The following TMEM178B variants were observed in gnomAD, a reference collection of about 807,000 sequenced individuals.
The protein encoded by TMEM178B is transmembrane protein 178B.
A neutral mutation model predicts 31.0 loss-of-function variants in TMEM178B; 5 were observed. The observed-to-expected ratio is 0.16, with a 90% CI of 0.08 to 0.34. The LOEUF is 0.34. TMEM178B is among the 10% of genes least tolerant of loss of function. TMEM178B has a pLI of 1.00. For missense variants in TMEM178B, 275 were observed against 400.3 expected, an observed-to-expected ratio of 0.69 and a Z score of 2.67; for synonymous variants, 164 against 164.0, an observed-to-expected ratio of 1.00 and a Z score of 0.00.
chr7:141,107,552 A>G (rs1169971623), intron 1 of TMEM178B, among the ~76,000 whole-genome samples: 1 of 152,220 alleles, frequency 6.6e-6, no homozygotes, highest in Admixed American at 6.5e-5. Flanking sequence ...AGAGAAATAT[A>G]GGACTCAGGG....
At chr7:141,237,098 G>A (rs1461325904) in intron 2 of TMEM178B, among the ~76,000 whole-genome samples, 3 of 152,142 alleles carry the variant, frequency 2.0e-5, no homozygotes, top group African/African-American at 7.2e-5. Context: ...CTTTTGTTTT[G>A]TTTTGTTTTT....
intron 2 of TMEM178B, among the ~76,000 whole-genome samples, chr7:141,415,655 A>C (rs950386476): frequency 6.6e-6 from 1 of 152,236 alleles, no homozygotes; most frequent in Non-Finnish European, 1.5e-5. Flanking sequence ...ATCCAGGGAC[A>C]AAAAGGAATG....
At chr7:141,359,145 A>C (rs1362170236) in intron 2 of TMEM178B, among the ~76,000 whole-genome samples, 3 of 152,212 alleles carry the variant, frequency 2.0e-5, no homozygotes, top group Non-Finnish European at 4.4e-5. Flanking sequence ...AGAAACTTGC[A>C]CTAGCATCTA....
At chr7:141,374,538 T>C (rs1328819756) in intron 2 of TMEM178B, among the ~76,000 whole-genome samples, 2 of 152,066 alleles carry the variant, frequency 1.3e-5, no homozygotes, top group African/African-American at 2.4e-5. Flanking sequence ...GGCCTAGAGG[T>C]AGACTTGGAG....
chr7:141,416,108 G>T (rs1456354439), intron 2 of TMEM178B: 2 of 152,824 alleles, frequency 1.3e-5, no homozygotes, highest in Non-Finnish European at 2.9e-5. Flanking sequence ...AAAACTTTGA[G>T]TCTTGCTGTG....
intron 2 of TMEM178B, among the ~76,000 whole-genome samples, chr7:141,258,099 A>C (rs1797956800): frequency 6.6e-6 from 1 of 151,600 alleles, no homozygotes; most frequent in Non-Finnish European, 1.5e-5. Context: ...TTCTGGCAAA[A>C]TGTGGAAACT....
intron 2 of TMEM178B, among the ~76,000 whole-genome samples, chr7:141,218,752 A>C (rs530075705): frequency 6.6e-6 from 1 of 151,636 alleles, no homozygotes; most frequent in East Asian, 1.9e-4. Flanking sequence ...TGCTGTCTAG[A>C]CTCTCTCCAG....
chr7:141,446,346 C>T (rs11983572), intron 3 of TMEM178B, among the ~76,000 whole-genome samples: 6,900 of 152,278 alleles, frequency 0.045, 447 homozygotes, highest in African/African-American at 0.15. Context: ...TCAGAATTCC[C>T]CATCACTCGC....
the TMEM178B span, among the ~76,000 whole-genome samples, chr7:141,490,738 C>T: frequency 6.6e-6 from 1 of 152,210 alleles, no homozygotes; most frequent in African/African-American, 2.4e-5. Flanking sequence ...GGTCTCCTAA[C>T]CCCTAACACA....
At chr7:141,203,938 T>C (rs1044428390) in intron 1 of TMEM178B, among the ~76,000 whole-genome samples, 2 of 152,166 alleles carry the variant, frequency 1.3e-5, no homozygotes, top group Non-Finnish European at 2.9e-5. Flanking sequence ...CCTTTGCCTG[T>C]AGATGGGTGA....
At chr7:141,383,157 T>C (rs1346110624) in intron 2 of TMEM178B, among the ~76,000 whole-genome samples, 4 of 147,918 alleles carry the variant, frequency 2.7e-5, no homozygotes, top group Non-Finnish European at 6.1e-5. Context: ...TCTTTCTTTC[T>C]TTCTTTCTTT....
intron 2 of TMEM178B, among the ~76,000 whole-genome samples, chr7:141,254,130 C>A (rs1160297763): frequency 6.6e-6 from 1 of 152,162 alleles, no homozygotes; most frequent in African/African-American, 2.4e-5. Context: ...AAAGGAAGGA[C>A]ATTTATTTGA....
chr7:141,110,986 C>T lies in TMEM178B; in HGVS notation c.382+36294C>T, dbSNP rs1049488458. 5.9e-5 allele frequency among the ~76,000 whole-genome samples: 9 copies of T among 152,242 alleles called. 1 individual carries two copies. Among genetic ancestry groups the T allele is most frequent in the Non-Finnish European group, 1.3e-4 (9 of 68,040 alleles). The stretch of plus-strand genomic sequence containing the variant: ...CCAAATGCTGCTGGAACCTTGATCT[C>T]AGACTTCCAGAAATGAGAGGAAGTA... On this transcript the variant is annotated intron_variant, in intron 1 of 3. Coordinates refer to ENST00000565468, the MANE Select transcript of TMEM178B (RefSeq NM_001195278.2).
chr7:141,417,944 A>G (rs1558211), intron 2 of TMEM178B, among the ~76,000 whole-genome samples: 43,252 of 152,044 alleles, frequency 0.28, 6,560 homozygotes, highest in Non-Finnish European at 0.33. Context: ...GCTTAAGTCC[A>G]GACAGTCTGA....
chr7:141,352,893 T>C (rs913086442), intron 2 of TMEM178B: 1 of 152,200 alleles, frequency 6.6e-6, no homozygotes, highest in South Asian at 2.1e-4. Context: ...AGAAGTTTGT[T>C]GAGTATCCCA....
chr7:141,488,801 G>A, the TMEM178B span, among the ~76,000 whole-genome samples: 1 of 151,458 alleles, frequency 6.6e-6, no homozygotes, highest in East Asian at 1.9e-4. Context: ...ACTAAAATAT[G>A]CAAAGACTTT....
chr7:141,314,089 T>A (rs1004270509), intron 2 of TMEM178B, among the ~76,000 whole-genome samples: 2 of 152,186 alleles, frequency 1.3e-5, no homozygotes, highest in African/African-American at 4.8e-5. Flanking sequence ...CACCACCACC[T>A]GACATCTCTT....
chr7:141,139,431 A>G (rs964923899), intron 1 of TMEM178B, among the ~76,000 whole-genome samples: 1 of 152,158 alleles, frequency 6.6e-6, no homozygotes, highest in Non-Finnish European at 1.5e-5. Context: ...GGCTCACAGC[A>G]GCCTCACCCT....
intron 2 of TMEM178B, among the ~76,000 whole-genome samples, chr7:141,279,978 A>G (rs1798328924): frequency 1.3e-5 from 2 of 152,248 alleles, no homozygotes. Context: ...AGCTTGGTGA[A>G]TCCAGTTGCA....
Sources: allele counts gnomAD v4.1 joint callset (sites outside exome capture counted in the v4.1 genomes callset), GRCh38; gene constraint gnomAD v4.1.1; transcripts MANE v1.5; gene names NCBI Gene and HGNC (gene_info 2026-07-23, HGNC 2026-07-21).